Variants in FAM135A observed in about 807,000 individuals in gnomAD.
The protein encoded by FAM135A is protein FAM135A.
In FAM135A, 79 loss-of-function variants were observed where a neutral mutation model predicts 146.8. The observed-to-expected ratio is 0.54, with a 90% CI of 0.45 to 0.65. FAM135A has a LOEUF of 0.65. Among genes scored for constraint, FAM135A ranks in the 30% least tolerant of loss-of-function variants. The probability of loss-of-function intolerance (pLI) is 0.00; values close to 1 mark genes in which losing one functional copy is unlikely to be tolerated. For synonymous variants in FAM135A, 562 were observed against 603.6 expected, an observed-to-expected ratio of 0.93 and a Z score of 1.01; for missense variants, 1,623 against 1,758.2, an observed-to-expected ratio of 0.92 and a Z score of 1.38.
intron 19 of FAM135A, among the ~76,000 whole-genome samples, chr6:70,537,801 CAA>C (rs770312525): frequency 3.4e-4 from 51 of 152,190 alleles, no homozygotes; most frequent in Non-Finnish European, 6.5e-4. Flanking sequence ...TAATATAAAA[CAA>C]ATGATATTCA....
chr6:70,498,687 A>T (rs1253271097), intron 11 of FAM135A, among the ~76,000 whole-genome samples: 1 of 152,050 alleles, frequency 6.6e-6, no homozygotes, highest in Non-Finnish European at 1.5e-5. Context: ...CTTTGTTCTC[A>T]TTGGTTTCAA....
chr6:70,559,072 T>C (rs1581908499), intron 21 of FAM135A, among the ~76,000 whole-genome samples: 1 of 152,252 alleles, frequency 6.6e-6, no homozygotes, highest in Non-Finnish European at 1.5e-5. Flanking sequence ...ATTTTCATAA[T>C]TGTTTAATGA....
intron 20 of FAM135A, among the ~76,000 whole-genome samples, chr6:70,542,276 A>ACACACACCCC (rs1242891663): frequency 6.7e-6 from 1 of 149,014 alleles, no homozygotes. Context: ...ACACACACAC[A>ACACACACCCC]CCCTTTGCTG....
intron 4 of FAM135A, among the ~76,000 whole-genome samples, chr6:70,435,384 C>T (rs1011855014): frequency 2.0e-5 from 3 of 152,032 alleles, no homozygotes; most frequent in Non-Finnish European, 2.9e-5. Context: ...GGATTACAGG[C>T]GTGAGTGACC....
In FAM135A at chr6:70,533,092, A is replaced by G. The variant is rs927547079; in HGVS notation, c.3776-68A>G. Reference sequence around the variant, plus strand: ...AAGCTTGTCTCTAAAAACTGTAAAAATATGTGATGGTGTACTTTCTACCTT... The same window carrying G: ...AAGCTTGTCTCTAAAAACTGTAAAAGTATGTGATGGTGTACTTTCTACCTT... On this transcript the variant is annotated intron_variant, in intron 16 of 21. Transcript: ENST00000418814. 8.8e-6 allele frequency: 11 copies of G among 1,253,290 alleles called. No individual in the cohort carries two copies. In the African/African-American group the frequency reaches 1.6e-4, roughly 19 times the overall value. The allele number at this position is 1,253,290 out of a possible 1,614,324, so 77.6% of individuals were successfully genotyped here.
intron 5 of FAM135A, among the ~76,000 whole-genome samples, chr6:70,466,643 T>A (rs1206705405): frequency 6.6e-6 from 1 of 152,200 alleles, no homozygotes; most frequent in Non-Finnish European, 1.5e-5. Flanking sequence ...TGATAAAATA[T>A]TGGATATCTA....
chr6:70,439,343 T>C (rs1174481540), intron 4 of FAM135A, among the ~76,000 whole-genome samples: 2 of 152,210 alleles, frequency 1.3e-5, no homozygotes. Context: ...TTGAACCTTT[T>C]ATCATTATGA....
intron 16 of FAM135A, among the ~76,000 whole-genome samples, chr6:70,531,949 C>T (rs961273107): frequency 3.1e-5 from 4 of 128,890 alleles, no homozygotes; most frequent in Non-Finnish European, 6.2e-5. Context: ...GTGGCACGAT[C>T]TCGGCTCACT....
intron 4 of FAM135A, among the ~76,000 whole-genome samples, chr6:70,429,159 A>G (rs1051313945): frequency 3.5e-4 from 54 of 152,212 alleles, no homozygotes; most frequent in African/African-American, 1.1e-3. Flanking sequence ...AGAGAACAGC[A>G]TGATTCAGTA....
intron 4 of FAM135A, 105 bp from the exon 5 acceptor site, chr6:70,452,387 A>G (rs1777307065): frequency 3.7e-6 from 3 of 812,124 alleles, no homozygotes; most frequent in Non-Finnish European, 3.9e-6. Context: ...GACTGATATA[A>G]TTAGGCCAAC....
intron 16 of FAM135A, among the ~76,000 whole-genome samples, chr6:70,532,123 G>A (rs1339993272): frequency 4.6e-5 from 7 of 151,892 alleles, no homozygotes; most frequent in South Asian, 2.1e-4. Flanking sequence ...TGATCCACCC[G>A]CCACAGCCTC....
rs1318504605 is a variant in FAM135A, at chr6:70,525,761, C to T, written c.2677C>T (p.Gln893Ter). ...TACTAAAAAGTCAAGTATCACTTTG[C>T]AACAGCAGAGTGTTGTATTTTCAGG... Reference protein sequence around the residue: ...DDTKKSSITLQQQSVVFSGNL... With the variant: ...DDTKKSSITL The change falls in exon 15 of 22, where the codon CAA (glutamine) becomes TAA (stop). Residue 893 changes from glutamine to a stop codon, truncating the protein, a stop_gained. Transcript: ENST00000418814. LOFTEE classifies it high-confidence loss of function. 6.2e-7 allele frequency: 1 copy of T among 1,613,326 alleles called. No homozygotes were observed. The highest frequency in any genetic ancestry group is 1.3e-5 in the African/African-American group (1 of 75,016).
At chr6:70,554,051 CA>C (rs998181102) in intron 20 of FAM135A, among the ~76,000 whole-genome samples, 24 of 152,090 alleles carry the variant, frequency 1.6e-4, no homozygotes, top group Non-Finnish European at 2.5e-4. Context: ...TAAAGTGACA[CA>C]AAGCTTTGTG....
At chr6:70,498,302 T>C (rs558093003) in intron 11 of FAM135A, among the ~76,000 whole-genome samples, 1 of 152,352 alleles carries the variant, frequency 6.6e-6, no homozygotes, top group South Asian at 2.1e-4. Context: ...TTTGTATTTC[T>C]GTAGGGTCAG....
chr6:70,497,512 G>T, intron 11 of FAM135A, among the ~76,000 whole-genome samples: 1 of 152,096 alleles, frequency 6.6e-6, no homozygotes, highest in East Asian at 1.9e-4. Context: ...AGATTGCCCT[G>T]GCCAGTACTT....
At chr6:70,445,227 C>G (rs1270820670) in intron 4 of FAM135A, among the ~76,000 whole-genome samples, 2 of 152,204 alleles carry the variant, frequency 1.3e-5, no homozygotes, top group African/African-American at 4.8e-5. Context: ...TTGTTTATGG[C>G]TACTTTTGCT....
Position 70,525,655 on chromosome 6 carries a change from A to G in FAM135A, c.2571A>G (p.Lys857=), listed in dbSNP as rs1366738614. ...DELSPDENSK[K]SVVPECHLND... ...TGTCACCTGATGAAAATTCTAAGAAATCTGTTGTACCTGAATGCCATCTAA... is the reference window on the plus strand; with the variant it reads ...TGTCACCTGATGAAAATTCTAAGAAGTCTGTTGTACCTGAATGCCATCTAA... Residue 857 remains lysine (K), a synonymous_variant, in exon 15 of 22, where the codon AAA becomes AAG. Coordinates refer to ENST00000418814, the MANE Select transcript of FAM135A (RefSeq NM_001162529.3). The G allele has an allele frequency of 1.9e-6, 3 of 1,612,708 alleles. No homozygotes were observed. Among genetic ancestry groups the G allele is most frequent in the South Asian group, 1.1e-5 (1 of 90,814 alleles).
At chr6:70,558,967 G>C (rs1240320821) in intron 21 of FAM135A, among the ~76,000 whole-genome samples, 1 of 152,142 alleles carries the variant, frequency 6.6e-6, no homozygotes, top group Non-Finnish European at 1.5e-5. Context: ...AAAATAATTT[G>C]GAAATTTTGA....
intron 12 of FAM135A, among the ~76,000 whole-genome samples, chr6:70,513,758 A>G (rs1265969422): frequency 6.6e-6 from 1 of 152,106 alleles, no homozygotes; most frequent in Non-Finnish European, 1.5e-5. Flanking sequence ...AATCTCAATC[A>G]GCTCAAGTTG....
Sources: allele counts gnomAD v4.1 joint callset (sites outside exome capture counted in the v4.1 genomes callset), GRCh38; gene constraint gnomAD v4.1.1; transcripts MANE v1.5; gene names NCBI Gene and HGNC (gene_info 2026-07-23, HGNC 2026-07-21).